Variants in TCERG1 observed in about 807,000 individuals in gnomAD.
The protein encoded by TCERG1 is transcription elongation regulator 1.
In TCERG1, 37 loss-of-function variants were observed where a neutral mutation model predicts 144.7. The ratio of observed to expected loss-of-function variants is 0.26; its 90% CI spans 0.20 to 0.34. The LOEUF (loss-of-function observed/expected upper bound fraction) is 0.34. Among genes scored for constraint, TCERG1 ranks in the 10% least tolerant of loss-of-function variants. The probability of loss-of-function intolerance (pLI) is 1.00; values close to 1 mark genes in which losing one functional copy is unlikely to be tolerated. For synonymous variants in TCERG1, 492 were observed against 458.2 expected (o/e 1.07, Z -0.94); for missense variants, 1,027 against 1,380.7 (o/e 0.74, Z 4.06).
chr5:146,508,007 C>T (rs753798409), intron 21 of TCERG1, 51 bp downstream of exon 21: 18 of 1,347,504 alleles, frequency 1.3e-5, no homozygotes, highest in African/African-American at 5.8e-5. Context: ...ATACTTAAAT[C>T]GGGGCCTAAC....
chr5:146,497,266 G>C (rs1348013148), intron 16 of TCERG1, among the ~76,000 whole-genome samples: 2 of 152,106 alleles, frequency 1.3e-5, no homozygotes, highest in Non-Finnish European at 2.9e-5. Flanking sequence ...TGCCTCCCAG[G>C]TTCAAAAGAT....
intron 15 of TCERG1, among the ~76,000 whole-genome samples, chr5:146,488,616 C>G (rs1337384930): frequency 6.6e-6 from 1 of 152,182 alleles, no homozygotes; most frequent in African/African-American, 2.4e-5. Context: ...TCTTTATATA[C>G]TGTTGGTTAG....
At chr5:146,500,162 C>A (rs953632790) in intron 17 of TCERG1, among the ~76,000 whole-genome samples, 1 of 150,318 alleles carries the variant, frequency 6.7e-6, no homozygotes, top group African/African-American at 2.5e-5. Context: ...TGGCTTTATA[C>A]CATTACTAGA....
intron 2 of TCERG1, 111 bp from the exon 3 acceptor site, chr5:146,457,072 A>G (rs889334922): frequency 7.1e-7 from 1 of 1,401,414 alleles, no homozygotes; most frequent in Middle Eastern, 2.1e-4. Context: ...ATGTGTTTGA[A>G]TAGACTATAA....
chr5:146,491,189 G>C (rs963120598), intron 15 of TCERG1, among the ~76,000 whole-genome samples: 1 of 150,952 alleles, frequency 6.6e-6, no homozygotes, highest in South Asian at 2.1e-4. Flanking sequence ...ATTTTGCCAC[G>C]TTGCCCAGGC....
rs761589986 is a variant in TCERG1 at position 146,493,089 on chromosome 5, G to GTGT, written c.2282+51_2282+52insTGT. ...TCAAAGTGTATTTATTTTCTCCTAA[G>GTGT]ATCAGTTTTTAAAAATTAAAAAAAT... On this transcript the variant is annotated intron_variant, in intron 16 of 22. Transcript: ENST00000679501. The GTGT allele has an allele frequency of 3.3e-5, 42 of 1,273,364 alleles. No individual in the cohort carries two copies. In the Middle Eastern group the frequency reaches 6.5e-4, roughly 20 times the overall value. 78.9% of individuals were successfully genotyped at this position (1,273,364 alleles called of 1,614,324 possible).
intron 4 of TCERG1, among the ~76,000 whole-genome samples, chr5:146,462,889 G>A (rs576916791): frequency 1.9e-4 from 29 of 152,136 alleles, no homozygotes; most frequent in African/African-American, 6.3e-4. Flanking sequence ...CTAACAAAAC[G>A]TATATATTAA....
At chr5:146,477,811 C>T (rs1017757410) in intron 9 of TCERG1, among the ~76,000 whole-genome samples, 2 of 151,100 alleles carry the variant, frequency 1.3e-5, no homozygotes, top group Non-Finnish European at 2.9e-5. Context: ...GATCCTCCCA[C>T]CTCAGCCCTG....
At chr5:146,492,870 A>T (rs1164466035) in intron 15 of TCERG1, 50 bp from the exon 16 acceptor site, 2 of 1,334,434 alleles carry the variant, frequency 1.5e-6, no homozygotes, top group South Asian at 2.5e-5. Flanking sequence ...TGGTAGTTAA[A>T]TTACCTATAT....
chr5:146,451,590 T>C (rs1385044864), intron 1 of TCERG1, among the ~76,000 whole-genome samples: 1 of 151,900 alleles, frequency 6.6e-6, no homozygotes, highest in Non-Finnish European at 1.5e-5. Flanking sequence ...CCCAAAGTGC[T>C]AGGATTACAG....
At chr5:146,474,968 G>T (rs951588134) in intron 9 of TCERG1, among the ~76,000 whole-genome samples, 3 of 152,026 alleles carry the variant, frequency 2.0e-5, no homozygotes, top group African/African-American at 7.3e-5. Context: ...AATATCCGAG[G>T]TACGCCTGTC....
intron 21 of TCERG1, among the ~76,000 whole-genome samples, chr5:146,508,508 C>T (rs1037329719): frequency 6.6e-6 from 1 of 152,130 alleles, no homozygotes; most frequent in Non-Finnish European, 1.5e-5. Flanking sequence ...TATTCTTCCC[C>T]CTCAAAGTCT....
chr5:146,483,858 T>C (rs1415073039), intron 15 of TCERG1, among the ~76,000 whole-genome samples: 1 of 152,122 alleles, frequency 6.6e-6, no homozygotes, highest in Non-Finnish European at 1.5e-5. Flanking sequence ...TTTGTCCTTA[T>C]GCCTCATATA....
Position 146,511,297 on chromosome 5 carries a change from G to A in TCERG1, c.*655G>A, listed in dbSNP as rs1391299223. On this transcript the variant is annotated 3_prime_UTR_variant, in exon 23 of 23. Transcript: ENST00000679501. ...AACCACGGTCATAACTAACATGTTG[G>A]CCAGAATAGAACCACTGGTTAAACA... 1.3e-5 allele frequency: 2 copies of A among 152,568 alleles called. No individual in the cohort carries two copies. The highest frequency in any genetic ancestry group is 2.9e-5 in the Non-Finnish European group (2 of 68,030). 9.5% of individuals were successfully genotyped at this position (152,568 alleles called of 1,614,324 possible). A position where few individuals can be genotyped will look rare whatever the true frequency, so the allele number is the denominator to read the frequency against.
At chr5:146,510,340 AATG>A (rs1768360064) in intron 22 of TCERG1, 98 bp from the exon 23 acceptor site, 2 of 909,758 alleles carry the variant, frequency 2.2e-6, no homozygotes, top group East Asian at 2.8e-5. Context: ...AAAAAAAAAA[AATG>A]GAAACACAAT....
chr5:146,466,756 C>T (rs1763826378), intron 5 of TCERG1, among the ~76,000 whole-genome samples: 1 of 152,308 alleles, frequency 6.6e-6, no homozygotes, highest in Non-Finnish European at 1.5e-5. Flanking sequence ...TAGAAGAGTT[C>T]TGCGAGCCCA....
At chr5:146,483,684 T>C in intron 15 of TCERG1, 55 bp downstream of exon 15, 1 of 1,308,528 alleles carries the variant, frequency 7.6e-7, no homozygotes, top group Non-Finnish European at 1.1e-6. Flanking sequence ...ACATAGTTTT[T>C]AAATTATAAG....
chr5:146,478,962 T>C (rs1055973259), intron 10 of TCERG1, among the ~76,000 whole-genome samples: 1 of 152,204 alleles, frequency 6.6e-6, no homozygotes, highest in African/African-American at 2.4e-5. Context: ...ACTAAAATGC[T>C]CCTCGGTGGG....
chr5:146,467,473 T>G (rs1763894057), intron 5 of TCERG1, among the ~76,000 whole-genome samples: 1 of 152,230 alleles, frequency 6.6e-6, no homozygotes, highest in Non-Finnish European at 1.5e-5. Flanking sequence ...TTGCAGCTTT[T>G]CTTTTCATTC....
Sources: allele counts gnomAD v4.1 joint callset (sites outside exome capture counted in the v4.1 genomes callset), GRCh38; gene constraint gnomAD v4.1.1; transcripts MANE v1.5; gene names NCBI Gene and HGNC (gene_info 2026-07-23, HGNC 2026-07-21).